Variants in SDCCAG8 observed in about 807,000 individuals in gnomAD.
SDCCAG8 encodes the protein SHH signaling and ciliogenesis regulator SDCCAG8, also known as serologically defined colon cancer antigen 8.
Under a neutral mutation model 101.8 loss-of-function variants are expected in SDCCAG8, and 74 were observed. That is an observed-to-expected ratio of 0.73 (90% confidence interval 0.60 to 0.88). The LOEUF is 0.88. Among genes scored for constraint, SDCCAG8 ranks in the 40% least tolerant of loss-of-function variants. The pLI, the probability that SDCCAG8 is intolerant of heterozygous loss-of-function variation, is 0.00. For missense variants in SDCCAG8, 787 were observed against 822.6 expected, an observed-to-expected ratio of 0.96 and a Z score of 0.53; for synonymous variants, 281 against 292.9, an observed-to-expected ratio of 0.96 and a Z score of 0.41.
chr1:243,397,266 T>A (rs2079083497), intron 13 of SDCCAG8, among the ~76,000 whole-genome samples: 1 of 152,206 alleles, frequency 6.6e-6, no homozygotes. Context: ...AGCATAATGG[T>A]AGTAATTTGT....
intron 12 of SDCCAG8, among the ~76,000 whole-genome samples, chr1:243,349,493 G>A (rs559310221): frequency 6.6e-6 from 1 of 152,290 alleles, no homozygotes; most frequent in African/African-American, 2.4e-5. Flanking sequence ...TCCCTACCTT[G>A]AGTATAGAAA....
intron 13 of SDCCAG8, among the ~76,000 whole-genome samples, chr1:243,391,702 G>A (rs1170484716): frequency 6.6e-6 from 1 of 152,212 alleles, no homozygotes; most frequent in Non-Finnish European, 1.5e-5. Flanking sequence ...CTAACTTCAA[G>A]AAGCCTATTC....
At chr1:243,260,989 G>A (rs1359849285) in intron 1 of SDCCAG8, among the ~76,000 whole-genome samples, 2 of 152,134 alleles carry the variant, frequency 1.3e-5, no homozygotes, top group East Asian at 3.9e-4. Flanking sequence ...TTCCTCAACT[G>A]TAAAACGAAA....
At chr1:243,364,657 C>T (rs2076894804) in intron 12 of SDCCAG8, among the ~76,000 whole-genome samples, 2 of 151,908 alleles carry the variant, frequency 1.3e-5, no homozygotes, top group South Asian at 2.1e-4. Context: ...GTTCATTTAG[C>T]GAAAAATTAA....
At chr1:243,283,138 G>A (rs538764148) in intron 4 of SDCCAG8, among the ~76,000 whole-genome samples, 12 of 152,064 alleles carry the variant, frequency 7.9e-5, no homozygotes, top group African/African-American at 2.2e-4. Flanking sequence ...ATGAGCCACC[G>A]CACCCGGCCT....
At chr1:243,379,998 T>C (rs754583529) in intron 13 of SDCCAG8, among the ~76,000 whole-genome samples, 13 of 152,196 alleles carry the variant, frequency 8.5e-5, no homozygotes, top group African/African-American at 2.4e-4. Flanking sequence ...TGCCTCTGGT[T>C]CTGTTAAAAT....
At chr1:243,361,099 A>G (rs570124697) in intron 12 of SDCCAG8, among the ~76,000 whole-genome samples, 1 of 152,266 alleles carries the variant, frequency 6.6e-6, no homozygotes, top group East Asian at 1.9e-4. Flanking sequence ...GCCATAATAA[A>G]TTATTCCTCT....
chr1:243,473,938 G>T (rs865940187), intron 16 of SDCCAG8, among the ~76,000 whole-genome samples: 13 of 95,060 alleles, frequency 1.4e-4, no homozygotes, highest in African/African-American at 5.1e-4. Flanking sequence ...GGGGGGGGGG[G>T]GCCGGGGGAG....
chr1:243,322,038 A>G (rs2073799659), intron 9 of SDCCAG8, among the ~76,000 whole-genome samples: 1 of 152,254 alleles, frequency 6.6e-6, no homozygotes, highest in Non-Finnish European at 1.5e-5. Flanking sequence ...CTTGGGGTAT[A>G]TACCCAGGAA....
chr1:243,348,255 T>A (rs1414272678), intron 12 of SDCCAG8, among the ~76,000 whole-genome samples: 1 of 149,728 alleles, frequency 6.7e-6, no homozygotes, highest in Non-Finnish European at 1.5e-5. Flanking sequence ...TTTCGCCGTG[T>A]TAGCCAGGAT....
At chr1:243,268,553 G>A (rs2067819868) in intron 1 of SDCCAG8, among the ~76,000 whole-genome samples, 1 of 152,174 alleles carries the variant, frequency 6.6e-6, no homozygotes, top group Non-Finnish European at 1.5e-5. Flanking sequence ...AATTAACTGT[G>A]TCTCTTGTAT....
At chr1:243,451,345 C>T (rs1289536339) in intron 16 of SDCCAG8, among the ~76,000 whole-genome samples, 1 of 152,206 alleles carries the variant, frequency 6.6e-6, no homozygotes, top group African/African-American at 2.4e-5. Context: ...AACAACATAA[C>T]AATCTCCATT....
At chr1:243,442,440 G>T (rs1458667382) in intron 16 of SDCCAG8, among the ~76,000 whole-genome samples, 6 of 152,268 alleles carry the variant, frequency 3.9e-5, no homozygotes, top group Non-Finnish European at 1.5e-5. Flanking sequence ...ATGTGGCTGT[G>T]ATGCGTCTAC....
At chr1:243,320,103 T>C (rs376809800) in intron 9 of SDCCAG8, among the ~76,000 whole-genome samples, 3 of 152,236 alleles carry the variant, frequency 2.0e-5, no homozygotes, top group East Asian at 3.8e-4. Flanking sequence ...TCTTACTGGA[T>C]GGCACTTTTA....
intron 3 of SDCCAG8, among the ~76,000 whole-genome samples, chr1:243,273,669 G>T (rs977367353): frequency 6.6e-6 from 1 of 152,074 alleles, no homozygotes; most frequent in Admixed American, 6.6e-5. Context: ...ACACTGGCTT[G>T]GCATCAAACG....
At chr1:243,341,634 C>G (rs572714443) in intron 11 of SDCCAG8, among the ~76,000 whole-genome samples, 1 of 152,090 alleles carries the variant, frequency 6.6e-6, no homozygotes, top group African/African-American at 2.4e-5. Context: ...CTTCCTTTTC[C>G]TTTTCAGACT....
chr1:243,328,488 G>A (rs2074370466), intron 9 of SDCCAG8, among the ~76,000 whole-genome samples: 2 of 151,964 alleles, frequency 1.3e-5, no homozygotes, highest in East Asian at 1.9e-4. Flanking sequence ...TGTTGGCCTG[G>A]CTGGTCTCAA....
intron 6 of SDCCAG8, among the ~76,000 whole-genome samples, chr1:243,296,824 C>G (rs1273569640): frequency 6.6e-6 from 1 of 151,892 alleles, no homozygotes; most frequent in Non-Finnish European, 1.5e-5. Context: ...TGAGCCACCG[C>G]GCCCGGCCCC....
At chr1:243,287,947 A>G (rs2069793811) in intron 5 of SDCCAG8, among the ~76,000 whole-genome samples, 1 of 152,218 alleles carries the variant, frequency 6.6e-6, no homozygotes, top group African/African-American at 2.4e-5. Context: ...CAGCATGAGC[A>G]AAGAAAATGT....
Sources: allele counts gnomAD v4.1 joint callset (sites outside exome capture counted in the v4.1 genomes callset), GRCh38; gene constraint gnomAD v4.1.1; transcripts MANE v1.5; gene names NCBI Gene and HGNC (gene_info 2026-07-23, HGNC 2026-07-21).